Variants in GTF2I observed in about 807,000 individuals in gnomAD.
GTF2I encodes general transcription factor IIi.
Under a neutral mutation model 67.6 loss-of-function variants are expected in GTF2I, and 12 were observed. The ratio of observed to expected loss-of-function variants is 0.18; its 90% CI spans 0.11 to 0.29. GTF2I has a LOEUF of 0.29. GTF2I is among the 10% of genes least tolerant of loss of function. GTF2I has a pLI of 1.00. For synonymous variants in GTF2I, 149 were observed against 197.0 expected (o/e 0.76, Z 2.04); for missense variants, 271 against 580.1 (o/e 0.47, Z 5.47).
At chr7:74,659,117 C>A (rs1804235046) in intron 1 of GTF2I, among the ~76,000 whole-genome samples, 1 of 152,142 alleles carries the variant, frequency 6.6e-6, no homozygotes, top group South Asian at 2.1e-4. Context: ...GAGATGCGTT[C>A]TCACTTTGTT....
chr7:74,724,210 G>C (rs1793466948), intron 12 of GTF2I, among the ~76,000 whole-genome samples: 1 of 152,146 alleles, frequency 6.6e-6, no homozygotes. Context: ...GCTATAAGTG[G>C]TATCCATGGG....
At position 74,718,953 on chromosome 7, in the gene GTF2I, A is replaced by G. The variant is rs781450355; in HGVS notation, c.943+12A>G. 9.6e-5 allele frequency: 139 copies of G among 1,446,228 alleles called. No individual in the cohort carries two copies. Among genetic ancestry groups the G allele is most frequent in the Non-Finnish European group, 1.3e-4 (135 of 1,049,208 alleles). 89.6% of individuals were successfully genotyped at this position (1,446,228 alleles called of 1,614,324 possible). The stretch of plus-strand genomic sequence containing the variant: ...GGTGACTATTGAAGGTTAGTTATCT[A>G]AAAGCCTTGATTCCAAAGTTTACTT... On this transcript the variant is annotated intron_variant, in intron 12 of 34. Transcript: ENST00000573035.
At chr7:74,731,707 G>A (rs1351382253) in intron 14 of GTF2I, among the ~76,000 whole-genome samples, 3 of 149,714 alleles carry the variant, frequency 2.0e-5, no homozygotes, top group African/African-American at 7.3e-5. Flanking sequence ...ACCATGCCCA[G>A]CTAATTTTTG....
chr7:74,705,814 TC>T (rs1554401186), intron 7 of GTF2I, among the ~76,000 whole-genome samples: 1 of 152,002 alleles, frequency 6.6e-6, no homozygotes, highest in East Asian at 1.9e-4. Flanking sequence ...TCCACCTGCC[TC>T]GGCCTCCCAA....
intron 14 of GTF2I, 35 bp from the exon 15 acceptor site, chr7:74,732,444 T>C (rs1794588800): frequency 6.8e-7 from 1 of 1,459,982 alleles, no homozygotes; most frequent in African/African-American, 1.4e-5. Context: ...CAAATTGTGT[T>C]TAAATGATAT....
intron 1 of GTF2I, among the ~76,000 whole-genome samples, chr7:74,677,153 G>T (rs116544945): frequency 0.012 from 1,830 of 152,264 alleles, 41 homozygotes; most frequent in African/African-American, 0.042. Flanking sequence ...CCAAAATGTA[G>T]TATTACATGA....
At chr7:74,663,379 G>T (rs587680293) in intron 1 of GTF2I, among the ~76,000 whole-genome samples, 1 of 152,048 alleles carries the variant, frequency 6.6e-6, no homozygotes, top group East Asian at 1.9e-4. Context: ...TCCGATTCCC[G>T]GGCTCAAGCG....
intron 12 of GTF2I, among the ~76,000 whole-genome samples, chr7:74,723,123 G>GTTTT (rs71098008): frequency 6.8e-5 from 9 of 132,194 alleles, no homozygotes; most frequent in Admixed American, 8.1e-5. Context: ...GGTGCTAAGA[G>GTTTT]TTTTTTTTTT....
intron 6 of GTF2I, among the ~76,000 whole-genome samples, chr7:74,702,809 G>A (rs1042868382): frequency 6.0e-5 from 9 of 150,338 alleles, no homozygotes; most frequent in African/African-American, 2.2e-4. Flanking sequence ...TCTCAGCTTA[G>A]TGCAGCCTCA....
chr7:74,690,848 A>G lies in GTF2I; in HGVS notation c.100-125A>G, dbSNP rs1347738043. 8 of 881,524 alleles carry G rather than the reference A, an allele frequency of 9.1e-6. No homozygotes were observed. In the African/African-American group the frequency reaches 1.4e-4, roughly 15 times the overall value. The allele number at this position is 881,524 out of a possible 1,614,324, so 54.6% of individuals were successfully genotyped here. On this transcript the variant is annotated intron_variant, in intron 2 of 34. Coordinates refer to ENST00000573035, the MANE Select transcript of GTF2I (RefSeq NM_032999.4). ...TCTGTGTTGTCTTTTGTTTAAAATCAGGCCAAAAACTATCTTGAAAGAGAA... is the reference window on the plus strand; with the variant it reads ...TCTGTGTTGTCTTTTGTTTAAAATCGGGCCAAAAACTATCTTGAAAGAGAA...
At chr7:74,727,638 A>G (rs1794020083) in intron 12 of GTF2I, 1 of 152,112 alleles carries the variant, frequency 6.6e-6, no homozygotes, top group Admixed American at 6.5e-5. Flanking sequence ...ACCATACCAC[A>G]TTTGTTTTTA....
chr7:74,723,428 C>CCTTTTTTTTTTT (rs1793319970), intron 12 of GTF2I, among the ~76,000 whole-genome samples: 2 of 61,090 alleles, frequency 3.3e-5, no homozygotes, highest in African/African-American at 1.7e-4. Context: ...CTCCCGGCCT[C>CCTTTTTTTTTTT]TTTTTTTTTT....
chr7:74,696,272 G>A (rs972822600), intron 3 of GTF2I, among the ~76,000 whole-genome samples: 2 of 151,916 alleles, frequency 1.3e-5, no homozygotes, highest in Non-Finnish European at 2.9e-5. Flanking sequence ...GTGAGCCACC[G>A]TGACTGGCCT....
chr7:74,680,099 A>AATATATATATATATATATATATAT (rs1554393663), intron 1 of GTF2I, among the ~76,000 whole-genome samples: 3 of 94,980 alleles, frequency 3.2e-5, no homozygotes, highest in African/African-American at 4.0e-5. Flanking sequence ...AAAAAAAAAA[A>AATATATATATATATATATATATAT]ATATATATAT....
chr7:74,711,112 A>G lies in GTF2I; in HGVS notation c.763+3A>G. 8.2e-7 allele frequency: 1 copy of G among 1,222,058 alleles called. No homozygotes were observed. The highest frequency in any genetic ancestry group is 1.2e-6 in the Non-Finnish European group (1 of 861,780). 75.7% of individuals were successfully genotyped at this position (1,222,058 alleles called of 1,614,324 possible). On this transcript the variant is annotated splice_donor_region_variant and intron_variant, in intron 9 of 34. Transcript: ENST00000573035. ...TTATTATCAATATAACATTCAAGGTAATTTGAATTAATGCAATTTTTCTTT... is the reference window on the plus strand; with the variant it reads ...TTATTATCAATATAACATTCAAGGTGATTTGAATTAATGCAATTTTTCTTT...
chr7:74,718,105 G>A (rs897299089), intron 11 of GTF2I, among the ~76,000 whole-genome samples: 6 of 152,184 alleles, frequency 3.9e-5, no homozygotes, highest in South Asian at 2.1e-4. Flanking sequence ...TTGCAGCCCC[G>A]CCGGCAGGTA....
At chr7:74,723,678 G>A (rs587649858) in intron 12 of GTF2I, among the ~76,000 whole-genome samples, 1 of 151,348 alleles carries the variant, frequency 6.6e-6, no homozygotes, top group African/African-American at 2.4e-5. Flanking sequence ...TGATCCACCC[G>A]CCTCGGCCTC....
intron 3 of GTF2I, 32 bp downstream of exon 3, chr7:74,691,143 A>G: frequency 2.1e-6 from 3 of 1,438,726 alleles, no homozygotes; most frequent in Non-Finnish European, 2.9e-6. Context: ...TTTGCATTTC[A>G]TTAATTTTAA....
intron 1 of GTF2I, among the ~76,000 whole-genome samples, chr7:74,677,628 G>C (rs1289372841): frequency 6.6e-6 from 1 of 151,198 alleles, no homozygotes; most frequent in African/African-American, 2.4e-5. Flanking sequence ...CTAAAAAAAA[G>C]AAAATTAGCC....
Sources: gnomAD v4.1 joint callset for allele counts (sites outside exome capture counted in the v4.1 genomes callset) on GRCh38, gnomAD v4.1.1 for gene constraint, MANE v1.5 for transcripts, NCBI Gene and HGNC (gene_info 2026-07-23, HGNC 2026-07-21) for gene names.